Variants in SLC6A9 observed in about 807,000 individuals in gnomAD.
SLC6A9 encodes sodium- and chloride-dependent glycine transporter 1.
Under a neutral mutation model 70.9 loss-of-function variants are expected in SLC6A9, and 31 were observed. The observed-to-expected ratio is 0.44, with a 90% CI of 0.33 to 0.59. SLC6A9 has a LOEUF of 0.59. SLC6A9 is among the 20% of genes least tolerant of loss of function. SLC6A9 has a pLI of 0.04. For synonymous variants in SLC6A9, 310 were observed against 341.3 expected (o/e 0.91, Z 1.01); for missense variants, 631 against 845.2 (o/e 0.75, Z 3.14).
rs41270405 is a variant in SLC6A9 at position 44,002,751 on chromosome 1, C to T, written c.723+102G>A. On this transcript the variant is annotated intron_variant, in intron 6 of 13. Coordinates refer to ENST00000372310, the MANE Select transcript of SLC6A9 (RefSeq NM_001024845.3). This position sits in a 1 kb window ranked among gnomAD's most constrained non-coding sequence, Gnocchi z 5.5. The stretch of plus-strand genomic sequence containing the variant: ...CAGCCCCCTGGTCCCTCTCCGGCTC[C>T]GGAGTCCCTTCAGCATCCCCTCCCT... The T allele has an allele frequency of 0.029, 46,280 of 1,593,134 alleles. 1,951 individuals carry two copies. Among genetic ancestry groups the T allele is most frequent in the African/African-American group, 0.21 (15,249 of 74,370 alleles).
chr1:44,013,732 GC>G lies in SLC6A9; in HGVS notation c.31-2851del, dbSNP rs1458661903. Among the ~76,000 whole-genome samples, 1 of 152,082 alleles carries G rather than the reference GC, an allele frequency of 6.6e-6. No individual in the cohort carries two copies. The highest frequency in any genetic ancestry group is 1.5e-5 in the Non-Finnish European group (1 of 68,004). The stretch of plus-strand genomic sequence containing the variant: ...GAGCTCTCAGCGGACGACAGAGCAG[GC>G]CTACCTTTCTCCAAGCAAACTGGAG... On this transcript the variant is annotated intron_variant, in intron 2 of 13. Coordinates refer to ENST00000372310, the MANE Select transcript of SLC6A9 (RefSeq NM_001024845.3). This position sits in a 1 kb window ranked among gnomAD's most constrained non-coding sequence, Gnocchi z 5.3.
chr1:44,005,440 A>C (rs928433072), intron 5 of SLC6A9, among the ~76,000 whole-genome samples: 7 of 152,142 alleles, frequency 4.6e-5, no homozygotes, highest in African/African-American at 1.7e-4. Context: ...AGCTTCCCTC[A>C]TTTGTAAAAT....
At chr1:44,014,119 A>G (rs1334913302) in intron 2 of SLC6A9, among the ~76,000 whole-genome samples, 1 of 150,320 alleles carries the variant, frequency 6.7e-6, no homozygotes, top group Non-Finnish European at 1.5e-5. Flanking sequence ...CCTAACCCCC[A>G]CCACCATCAC....
At chr1:44,009,128 G>T (rs944072837) in intron 4 of SLC6A9, among the ~76,000 whole-genome samples, 12 of 147,218 alleles carry the variant, frequency 8.2e-5, no homozygotes, top group African/African-American at 2.5e-4. Context: ...CCAGGTTCAA[G>T]CGATTCTCCT....
chr1:44,029,143 C>T (rs931716108), intron 1 of SLC6A9, among the ~76,000 whole-genome samples: 57 of 152,160 alleles, frequency 3.7e-4, no homozygotes, highest in African/African-American at 1.3e-3. Flanking sequence ...AGAACCCTGG[C>T]CCACCTTGAC....
At chr1:43,999,596 C>T (rs1290352714) in intron 12 of SLC6A9, among the ~76,000 whole-genome samples, 1 of 152,108 alleles carries the variant, frequency 6.6e-6, no homozygotes, top group African/African-American at 2.4e-5. Context: ...TGCCTCCCAC[C>T]ACTGAGACTT....
intron 2 of SLC6A9, chr1:44,017,373 AC>A (rs2086788358): frequency 9.5e-6 from 4 of 422,224 alleles, no homozygotes; most frequent in East Asian, 1.3e-4. Flanking sequence ...GGAACAACAC[AC>A]ACACACACAC....
At chr1:44,010,601 A>T in intron 3 of SLC6A9, 125 bp downstream of exon 3, 1 of 936,392 alleles carries the variant, frequency 1.1e-6, no homozygotes, top group East Asian at 2.6e-5. Context: ...GATGGGGGCG[A>T]AGGAGGCCAG....
intron 1 of SLC6A9, chr1:44,030,566 G>A (rs1186608809): frequency 6.6e-6 from 1 of 152,444 alleles, no homozygotes. Flanking sequence ...CGGTAATGAG[G>A]GTTGGGGTGG....
At chr1:44,011,414 G>C in intron 2 of SLC6A9, 1 of 699,652 alleles carries the variant, frequency 1.4e-6, no homozygotes, top group South Asian at 1.8e-5. Flanking sequence ...CTTCTTCCTG[G>C]GGGCACAGAG....
chr1:44,006,935 A>T (rs2154305306), intron 5 of SLC6A9, among the ~76,000 whole-genome samples: 1 of 152,240 alleles, frequency 6.6e-6, no homozygotes, highest in African/African-American at 2.4e-5. Context: ...ACCCTTGTAC[A>T]TTTCAGCCAT....
At chr1:44,031,258 G>A (rs1169276959) in intron 1 of SLC6A9, 48 bp downstream of exon 1, 1 of 152,720 alleles carries the variant, frequency 6.5e-6, no homozygotes, top group East Asian at 1.9e-4. Flanking sequence ...CCGACGGCAG[G>A]ACAGACGGAG....
chr1:44,027,835 C>T (rs1004400860), intron 1 of SLC6A9, among the ~76,000 whole-genome samples: 1 of 152,012 alleles, frequency 6.6e-6, no homozygotes, highest in East Asian at 1.9e-4. Flanking sequence ...ATTAGCTGGG[C>T]GTGGTGGTAG....
intron 3 of SLC6A9, chr1:44,010,466 G>GGT (rs1553162585): frequency 4.2e-6 from 1 of 236,248 alleles, no homozygotes. Flanking sequence ...CGGGGGGGGG[G>GGT]GGGGGTTAGG....
intron 2 of SLC6A9, among the ~76,000 whole-genome samples, chr1:44,022,035 A>T (rs1197498011): frequency 6.6e-6 from 1 of 152,250 alleles, no homozygotes. Context: ...GCAAAAGCCA[A>T]AGGGCAGAGA....
rs1207152137 is a variant in SLC6A9 at position 44,018,270 on chromosome 1, GT to G, written c.30+5977del. Reference sequence around the variant, plus strand: ...GGCAACCCCGTAGGGAACATAAGGAGTTTTGTCAAGCACAGGATGACATTAA... The same window carrying G: ...GGCAACCCCGTAGGGAACATAAGGAGTTTGTCAAGCACAGGATGACATTAA... On this transcript the variant is annotated intron_variant, in intron 2 of 13. Transcript: ENST00000372310. The surrounding 1 kb of genome is among the most constrained non-coding windows in gnomAD (Gnocchi z 4.2). 6.6e-6 allele frequency among the ~76,000 whole-genome samples: 1 copy of G among 152,154 alleles called. No homozygotes were observed. Among genetic ancestry groups the G allele is most frequent in the South Asian group, 2.1e-4 (1 of 4,828 alleles).
rs551556790 is a variant in SLC6A9, at chr1:44,020,380, A to G, written c.30+3868T>C. On this transcript the variant is annotated intron_variant, in intron 2 of 13. Coordinates refer to ENST00000372310, the MANE Select transcript of SLC6A9 (RefSeq NM_001024845.3). ...CCTGTGGTGTGCTAGGTCCTGTACT[A>G]GGGGAGTACCCCGGGTATGTCGAAT... Among the ~76,000 whole-genome samples the G allele has an allele frequency of 1.2e-4, 18 of 152,206 alleles. No individual in the cohort carries two copies. In the South Asian group the frequency reaches 2.7e-3, roughly 23 times the overall value.
chr1:44,008,726 G>A (rs1349292487), intron 4 of SLC6A9, 103 bp from the exon 5 acceptor site: 3 of 894,004 alleles, frequency 3.4e-6, no homozygotes, highest in Admixed American at 2.7e-5. Flanking sequence ...TTTTTTTTGA[G>A]ATGGAGTCTA....
chr1:44,011,315 G>A (rs978861630), intron 2 of SLC6A9, among the ~76,000 whole-genome samples: 10 of 152,164 alleles, frequency 6.6e-5, no homozygotes, highest in Admixed American at 3.3e-4. Flanking sequence ...CCCCCCACCC[G>A]TCGCCTACCA....
Sources: allele counts gnomAD v4.1 joint callset (sites outside exome capture counted in the v4.1 genomes callset), GRCh38; gene constraint gnomAD v4.1.1; non-coding constraint Gnocchi (gnomAD v3.1); transcripts MANE v1.5; gene names NCBI Gene and HGNC (gene_info 2026-07-23, HGNC 2026-07-21).